Variants in CENPK observed in about 807,000 individuals in gnomAD.
CENPK encodes SoxLZ/Sox6-binding protein Solt.
A neutral mutation model predicts 40.9 loss-of-function variants in CENPK; 46 were observed. That is an observed-to-expected ratio of 1.13 (90% CI 0.89 to 1.44). CENPK has a LOEUF of 1.44. Ranked by LOEUF, CENPK falls within the 40% of genes most tolerant of loss-of-function variation. CENPK has a pLI of 0.00. For synonymous variants in CENPK, 107 were observed against 104.4 expected, an observed-to-expected ratio of 1.02 and a Z score of -0.15; for missense variants, 288 against 303.5, an observed-to-expected ratio of 0.95 and a Z score of 0.38.
intron 10 of CENPK, among the ~76,000 whole-genome samples, chr5:65,519,979 G>A (rs1458361384): frequency 3.9e-5 from 6 of 152,128 alleles, no homozygotes; most frequent in East Asian, 1.9e-4. Flanking sequence ...GAGCCTTGGA[G>A]ACAAACTTAG....
intron 9 of CENPK, among the ~76,000 whole-genome samples, chr5:65,524,996 T>C (rs1744426574): frequency 6.6e-6 from 1 of 152,214 alleles, no homozygotes; most frequent in African/African-American, 2.4e-5. Context: ...CTAAAATCAT[T>C]TGATGCAAAG....
chr5:65,498,593 CTTTT>C, the CENPK span, among the ~76,000 whole-genome samples: 1 of 150,700 alleles, frequency 6.6e-6, no homozygotes, highest in Non-Finnish European at 1.5e-5. Context: ...CCTTCTCTTT[CTTTT>C]TTCTTTCTTT....
chr5:65,551,177 G>C (rs1378901641), intron 5 of CENPK: 2 of 409,940 alleles, frequency 4.9e-6, no homozygotes, highest in Non-Finnish European at 9.6e-6. Context: ...TTGAACCCGG[G>C]AGATCGGGGC....
At chr5:65,509,373 T>A in the CENPK span, among the ~76,000 whole-genome samples, 3 of 152,224 alleles carry the variant, frequency 2.0e-5, no homozygotes, top group Non-Finnish European at 4.4e-5. Flanking sequence ...CCAGAATTCA[T>A]ATAGTTAGAA....
the CENPK span, among the ~76,000 whole-genome samples, chr5:65,503,092 C>T: frequency 6.6e-6 from 1 of 150,864 alleles, no homozygotes; most frequent in Non-Finnish European, 1.5e-5. Flanking sequence ...AGCCACCGTG[C>T]CTGCCCACCA....
Position 65,554,841 on chromosome 5 carries a change from C to A in CENPK, c.67G>T (p.Glu23Ter), listed in dbSNP as rs1750721303. Reference protein sequence around the residue: ...DVGDVTNTEEELIRECEEMWK... With the variant: ...DVGDVTNTEE ...ATTTCTTCACATTCTCTAATAAGTT[C>A]TTCTTCAGTATTTGTAACATCTCCC... Residue 23 changes from glutamate to a stop codon, truncating the protein, a stop_gained, in exon 3 of 11, where the codon GAA becomes TAA. Coordinates refer to ENST00000396679, the MANE Select transcript of CENPK (RefSeq NM_022145.5). LOFTEE classifies it high-confidence loss of function. 1 of 1,604,640 alleles carries A rather than the reference C, an allele frequency of 6.2e-7. No homozygotes were observed.
At chr5:65,550,369 GTTA>G (rs1749756781) in intron 5 of CENPK, 1 of 152,078 alleles carries the variant, frequency 6.6e-6, no homozygotes, top group African/African-American at 2.4e-5. Context: ...CAATTGGAGG[GTTA>G]TTAATTGGCC....
At chr5:65,541,510 G>GGTGAC in intron 6 of CENPK, 1 of 449,064 alleles carries the variant, frequency 2.2e-6, no homozygotes, top group Non-Finnish European at 4.5e-6. Flanking sequence ...TGTATTGAGT[G>GGTGAC]GTGACGGAGA....
chr5:65,563,129 G>C lies in CENPK; in HGVS notation c.-173C>G. On this transcript the variant is annotated 5_prime_UTR_variant, in exon 1 of 11. Coordinates refer to ENST00000396679, the MANE Select transcript of CENPK (RefSeq NM_022145.5). ...AGCGTCACAAACTCCAGGTCGCCTA[G>C]GCGCTGCGCAGGAAGCGCTTGCCAG... 1 of 726,818 alleles carries C rather than the reference G, an allele frequency of 1.4e-6. No homozygotes were observed. The allele number at this position is 726,818 out of a possible 1,614,324, so 45.0% of individuals were successfully genotyped here. A position where few individuals can be genotyped will look rare whatever the true frequency, so the allele number is the denominator to read the frequency against.
intron 10 of CENPK, among the ~76,000 whole-genome samples, chr5:65,519,326 T>C (rs1369858465): frequency 6.6e-6 from 1 of 152,220 alleles, no homozygotes; most frequent in Non-Finnish European, 1.5e-5. Context: ...CTTTCCCAAA[T>C]GCACTGCTAT....
chr5:65,536,826 C>G (rs1291226869), intron 6 of CENPK, among the ~76,000 whole-genome samples: 1 of 151,940 alleles, frequency 6.6e-6, no homozygotes, highest in South Asian at 2.1e-4. Context: ...CATTCCTGAC[C>G]CATTATTTAC....
chr5:65,514,998 CATTT>C (rs1360996632), downstream of CENPK, among the ~76,000 whole-genome samples: 1 of 151,828 alleles, frequency 6.6e-6, no homozygotes, highest in Admixed American at 6.6e-5. Flanking sequence ...CATTGAATTT[CATTT>C]GTTTCACTGA....
At chr5:65,562,864 C>T (rs1466427053) in intron 1 of CENPK, 1 of 156,774 alleles carries the variant, frequency 6.4e-6, no homozygotes, top group Non-Finnish European at 1.4e-5. Flanking sequence ...TTTAGTGCAT[C>T]TGAAAGGAAA....
chr5:65,502,054 G>A, the CENPK span, among the ~76,000 whole-genome samples: 1 of 152,188 alleles, frequency 6.6e-6, no homozygotes, highest in South Asian at 2.1e-4. Flanking sequence ...CACCCCAGGG[G>A]CAGGACACCA....
downstream of CENPK, among the ~76,000 whole-genome samples, chr5:65,514,229 T>TA (rs1580850510): frequency 3.5e-5 from 2 of 56,574 alleles, no homozygotes; most frequent in South Asian, 8.1e-4. Flanking sequence ...CCTCACATAA[T>TA]CTTTTTTTTT....
chr5:65,514,844 A>G (rs1330036652), downstream of CENPK, among the ~76,000 whole-genome samples: 1 of 152,198 alleles, frequency 6.6e-6, no homozygotes, highest in Non-Finnish European at 1.5e-5. Context: ...TACACTCAAG[A>G]GTTGCTCATA....
chr5:65,552,551 T>C lies in CENPK; in HGVS notation c.112-2A>G. On this transcript the variant is annotated splice_acceptor_variant, in intron 3 of 10. Coordinates refer to ENST00000396679, the MANE Select transcript of CENPK (RefSeq NM_022145.5). LOFTEE classifies it high-confidence loss of function. ...AATAAGTGATAATTTATTCTGACACTTGATTTAAAAAGTAAAAAAAGGCAA... is the reference window on the plus strand; with the variant it reads ...AATAAGTGATAATTTATTCTGACACCTGATTTAAAAAGTAAAAAAAGGCAA... 2.0e-6 allele frequency: 3 copies of C among 1,531,010 alleles called. No individual in the cohort carries two copies. Among genetic ancestry groups the C allele is most frequent in the Non-Finnish European group, 1.8e-6 (2 of 1,137,672 alleles). 94.8% of individuals were successfully genotyped at this position (1,531,010 alleles called of 1,614,324 possible).
chr5:65,553,586 G>A (rs2150525635), intron 3 of CENPK, among the ~76,000 whole-genome samples: 1 of 152,246 alleles, frequency 6.6e-6, no homozygotes, highest in East Asian at 1.9e-4. Context: ...ATAATTATGT[G>A]TTCTTCCCAC....
At chr5:65,496,721 TG>T in the CENPK span, among the ~76,000 whole-genome samples, 1 of 152,138 alleles carries the variant, frequency 6.6e-6, no homozygotes, top group African/African-American at 2.4e-5. Flanking sequence ...CTTTGCTGTT[TG>T]TTTTTTTTCC....
Sources: allele counts gnomAD v4.1 joint callset (sites outside exome capture counted in the v4.1 genomes callset), GRCh38; gene constraint gnomAD v4.1.1; transcripts MANE v1.5; gene names NCBI Gene and HGNC (gene_info 2026-07-23, HGNC 2026-07-21).